Variants in GALNT13 observed in about 807,000 individuals in gnomAD.
The protein encoded by GALNT13 is polypeptide N-acetylgalactosaminyltransferase 13.
A neutral mutation model predicts 64.2 loss-of-function variants in GALNT13; 28 were observed. The ratio of observed to expected loss-of-function variants is 0.44; its 90% CI spans 0.32 to 0.60. GALNT13 has a LOEUF of 0.60. Among genes scored for constraint, GALNT13 ranks in the 20% least tolerant of loss-of-function variants. The pLI is 0.05. For missense variants in GALNT13, 577 were observed against 669.8 expected (o/e 0.86, Z 1.53); for synonymous variants, 214 against 224.6 (o/e 0.95, Z 0.42).
intron 9 of GALNT13, among the ~76,000 whole-genome samples, chr2:154,318,876 C>T (rs1025963525): frequency 1.8e-4 from 27 of 151,996 alleles, no homozygotes; most frequent in Admixed American, 5.2e-4. Flanking sequence ...TATACACACG[C>T]GCGCGCACAC....
the GALNT13 span, among the ~76,000 whole-genome samples, chr2:153,319,865 A>T: frequency 6.6e-6 from 1 of 152,086 alleles, no homozygotes; most frequent in African/African-American, 2.4e-5. Flanking sequence ...GAATCAGGGG[A>T]GAGGGAAGGG....
chr2:153,624,913 CA>C, the GALNT13 span, among the ~76,000 whole-genome samples: 1 of 149,384 alleles, frequency 6.7e-6, no homozygotes, highest in Admixed American at 6.8e-5. Context: ...GTGGCTCGGA[CA>C]AAAAAGTTTC....
chr2:153,873,418 T>C (rs1558827346), intron 1 of GALNT13, among the ~76,000 whole-genome samples: 1 of 152,222 alleles, frequency 6.6e-6, no homozygotes, highest in Non-Finnish European at 1.5e-5. Flanking sequence ...TCTTTGACTA[T>C]GGTTAGTTGA....
the GALNT13 span, among the ~76,000 whole-genome samples, chr2:153,428,965 A>G: frequency 6.6e-6 from 1 of 152,094 alleles, no homozygotes; most frequent in East Asian, 1.9e-4. Flanking sequence ...CCAGTCACCA[A>G]ATACCCTCTT....
intron 3 of GALNT13, among the ~76,000 whole-genome samples, chr2:153,988,640 A>G (rs985874465): frequency 1.3e-5 from 2 of 151,976 alleles, no homozygotes; most frequent in Non-Finnish European, 2.9e-5. Flanking sequence ...TAAAGCATTG[A>G]CGGTGATTAT....
chr2:154,167,215 T>C (rs923587351), intron 4 of GALNT13, among the ~76,000 whole-genome samples: 1 of 152,174 alleles, frequency 6.6e-6, no homozygotes, highest in African/African-American at 2.4e-5. Flanking sequence ...CCAGATCCTG[T>C]AATTGCAAAT....
chr2:154,268,329 T>C (rs1336885522), intron 8 of GALNT13, among the ~76,000 whole-genome samples: 1 of 152,198 alleles, frequency 6.6e-6, no homozygotes, highest in East Asian at 1.9e-4. Flanking sequence ...TTACATACTA[T>C]ATGACTTCAT....
chr2:153,890,736 G>C lies in GALNT13; in HGVS notation c.-176-10200G>C, dbSNP rs540730809. Among the ~76,000 whole-genome samples the C allele has an allele frequency of 3.9e-5, 6 of 152,134 alleles. No individual in the cohort carries two copies. The South Asian group carries it at 1.2e-3, about 32-fold the overall frequency. On this transcript the variant is annotated intron_variant, in intron 1 of 12. Coordinates refer to ENST00000392825, the MANE Select transcript of GALNT13 (RefSeq NM_052917.4). ...CCCAGACTCATGCTGTGTGGTGGCT[G>C]GTTTGTTTCTTCTTTCTTCAGCACA... is the stretch of plus-strand genomic sequence containing the variant.
chr2:154,145,046 A>AG, intron 4 of GALNT13, among the ~76,000 whole-genome samples: 1 of 81,004 alleles, frequency 1.2e-5, no homozygotes. Context: ...ATATTTATGT[A>AG]GTTCTCTCTC....
chr2:153,890,721 T>C (rs1202994404), intron 1 of GALNT13, among the ~76,000 whole-genome samples: 4 of 152,056 alleles, frequency 2.6e-5, no homozygotes, highest in Non-Finnish European at 4.4e-5. Flanking sequence ...CCCAGACTCA[T>C]GCTGTGTGGT....
At chr2:154,280,713 T>G (rs1030357625) in intron 8 of GALNT13, among the ~76,000 whole-genome samples, 1 of 152,192 alleles carries the variant, frequency 6.6e-6, no homozygotes, top group African/African-American at 2.4e-5. Context: ...TCTACTGATA[T>G]TCAAAGGGGA....
At position 154,242,717 on chromosome 2, in the gene GALNT13, A is replaced by G. The variant is rs1689561165; in HGVS notation, c.498A>G (p.Leu166=). The G allele has an allele frequency of 6.2e-7, 1 of 1,610,174 alleles. No homozygotes were observed. The highest frequency in any genetic ancestry group is 1.3e-5 in the African/African-American group (1 of 74,836). The part of the protein sequence containing the change: ...ASERDFLKLT[L]ENYVKNLEVP... The stretch of plus-strand genomic sequence containing the variant: ...TTACAGATTTTCTCAAGTTGACATT[A>G]GAGAATTACGTGAAAAATTTAGAAG... Residue 166 remains leucine, a synonymous_variant, in exon 6 of 13, where the codon TTA becomes TTG. Transcript: ENST00000392825.
intron 3 of GALNT13, among the ~76,000 whole-genome samples, chr2:154,092,075 GAAAAAAAAAA>G (rs58406719): frequency 4.0e-5 from 3 of 74,508 alleles, no homozygotes; most frequent in South Asian, 4.9e-4. Flanking sequence ...TTCATGTCTG[GAAAAAAAAAA>G]AAAAAAAAAA....
the GALNT13 span, among the ~76,000 whole-genome samples, chr2:153,571,563 A>G: frequency 1.3e-5 from 2 of 152,032 alleles, no homozygotes. Flanking sequence ...TTCCCCATTC[A>G]GTATGATACT....
At chr2:153,288,429 C>T in the GALNT13 span, among the ~76,000 whole-genome samples, 12 of 152,182 alleles carry the variant, frequency 7.9e-5, no homozygotes, top group East Asian at 5.8e-4. Context: ...TGGAAATAAA[C>T]AATTTATAAG....
At chr2:153,889,449 A>G (rs1398814607) in intron 1 of GALNT13, among the ~76,000 whole-genome samples, 2 of 151,840 alleles carry the variant, frequency 1.3e-5, no homozygotes, top group Non-Finnish European at 2.9e-5. Flanking sequence ...ACACTCTAAA[A>G]CTACTACATG....
chr2:153,797,507 T>G, the GALNT13 span, among the ~76,000 whole-genome samples: 1 of 152,156 alleles, frequency 6.6e-6, no homozygotes, highest in Non-Finnish European at 1.5e-5. Flanking sequence ...ATGTTTAATC[T>G]CAAGGGATCC....
At chr2:154,176,278 T>G (rs896937374) in intron 4 of GALNT13, among the ~76,000 whole-genome samples, 2 of 149,068 alleles carry the variant, frequency 1.3e-5, no homozygotes, top group African/African-American at 4.9e-5. Flanking sequence ...TTTATTTATT[T>G]ATTTATTTAT....
At chr2:153,209,988 T>TAA in the GALNT13 span, among the ~76,000 whole-genome samples, 1 of 152,126 alleles carries the variant, frequency 6.6e-6, no homozygotes, top group Non-Finnish European at 1.5e-5. Flanking sequence ...ATAATTATAT[T>TAA]TGAATACAAT....
Sources: gnomAD v4.1 joint callset for allele counts (sites outside exome capture counted in the v4.1 genomes callset) on GRCh38, gnomAD v4.1.1 for gene constraint, MANE v1.5 for transcripts, NCBI Gene and HGNC (gene_info 2026-07-23, HGNC 2026-07-21) for gene names.